LRP1B: variants seen among roughly 807,000 people sequenced by gnomAD.
LRP1B encodes the protein low-density lipoprotein receptor-related protein 1B.
LRP1B carries 217 observed loss-of-function variants against 556.6 expected under a neutral mutation model. That is an observed-to-expected ratio of 0.39 (90% CI 0.35 to 0.44). The LOEUF is 0.44. LRP1B is among the 20% of genes least tolerant of loss of function. The pLI, the probability that LRP1B is intolerant of heterozygous loss-of-function variation, is 1.00. For synonymous variants in LRP1B, 2,047 were observed against 1,865.8 expected (o/e 1.10, Z -2.50); for missense variants, 5,053 against 5,620.8 (o/e 0.90, Z 3.23).
intron 66 of LRP1B, among the ~76,000 whole-genome samples, chr2:140,427,929 C>A (rs967145846): frequency 2.6e-5 from 4 of 152,162 alleles, no homozygotes; most frequent in Admixed American, 6.5e-5. Flanking sequence ...AGCCCTCCCC[C>A]ACCTGCCCAG....
intron 18 of LRP1B, among the ~76,000 whole-genome samples, chr2:140,980,645 T>C (rs900506633): frequency 6.6e-6 from 1 of 152,122 alleles, no homozygotes; most frequent in African/African-American, 2.4e-5. Context: ...AATACAGGCA[T>C]TTAAATTGAG....
chr2:141,419,194 C>T (rs187316993), intron 3 of LRP1B, among the ~76,000 whole-genome samples: 122 of 150,724 alleles, frequency 8.1e-4, no homozygotes, highest in South Asian at 1.7e-3. Context: ...ATTCACTTTG[C>T]TGATACTTTC....
At chr2:140,610,553 G>A (rs914864265) in intron 41 of LRP1B, among the ~76,000 whole-genome samples, 2 of 152,074 alleles carry the variant, frequency 1.3e-5, no homozygotes, top group Non-Finnish European at 2.9e-5. Context: ...ATATGATCCT[G>A]GAAAAATTCA....
At chr2:140,697,174 C>T (rs1201446483) in intron 41 of LRP1B, among the ~76,000 whole-genome samples, 3 of 152,078 alleles carry the variant, frequency 2.0e-5, no homozygotes, top group Non-Finnish European at 4.4e-5. Flanking sequence ...ATGGATTCTA[C>T]TGGCTTTGAT....
At chr2:140,477,783 C>T (rs911248633) in intron 59 of LRP1B, among the ~76,000 whole-genome samples, 3 of 152,258 alleles carry the variant, frequency 2.0e-5, no homozygotes, top group South Asian at 2.1e-4. Flanking sequence ...ACATCACACT[C>T]AGTAAGTTTG....
At chr2:141,833,030 C>A (rs959592612) in intron 1 of LRP1B, among the ~76,000 whole-genome samples, 9 of 151,456 alleles carry the variant, frequency 5.9e-5, no homozygotes, top group Non-Finnish European at 1.0e-4. Context: ...CAATTTTCTC[C>A]CTAAGAGGAA....
intron 35 of LRP1B, among the ~76,000 whole-genome samples, chr2:140,760,167 C>A (rs1225328905): frequency 6.6e-6 from 1 of 152,110 alleles, no homozygotes; most frequent in African/African-American, 2.4e-5. Flanking sequence ...GCCTGGGGAA[C>A]ACATCAGATA....
intron 35 of LRP1B, among the ~76,000 whole-genome samples, chr2:140,739,440 A>G (rs1688062946): frequency 6.6e-6 from 1 of 152,194 alleles, no homozygotes; most frequent in African/African-American, 2.4e-5. Flanking sequence ...TGAAACAAAG[A>G]TAAAGAGTAG....
chr2:140,317,574 A>G (rs574868101), intron 82 of LRP1B, among the ~76,000 whole-genome samples: 1 of 152,246 alleles, frequency 6.6e-6, no homozygotes, highest in South Asian at 2.1e-4. Context: ...AAATAATTGA[A>G]TACAGAGATC....
chr2:141,173,872 C>T (rs1056462794), intron 7 of LRP1B, among the ~76,000 whole-genome samples: 6 of 151,962 alleles, frequency 3.9e-5, no homozygotes, highest in Admixed American at 2.0e-4. Flanking sequence ...ACCTCTTAAG[C>T]CAGTTAAAGA....
At chr2:141,157,300 G>T (rs561647643) in intron 7 of LRP1B, among the ~76,000 whole-genome samples, 2 of 151,362 alleles carry the variant, frequency 1.3e-5, no homozygotes, top group African/African-American at 4.9e-5. Context: ...ATAAAATAAA[G>T]TTTCATTATT....
chr2:141,713,383 C>T (rs1422927952), intron 2 of LRP1B, among the ~76,000 whole-genome samples: 2 of 152,106 alleles, frequency 1.3e-5, no homozygotes, highest in African/African-American at 4.8e-5. Context: ...AGTGACAAAG[C>T]TATTAATGAA....
intron 41 of LRP1B, among the ~76,000 whole-genome samples, chr2:140,695,401 A>G (rs1244193691): frequency 6.6e-6 from 1 of 152,106 alleles, no homozygotes; most frequent in Non-Finnish European, 1.5e-5. Context: ...CATTGGCCTA[A>G]CAGTAGATGG....
At chr2:140,271,875 C>A (rs947910453) in intron 85 of LRP1B, among the ~76,000 whole-genome samples, 1 of 151,646 alleles carries the variant, frequency 6.6e-6, no homozygotes, top group African/African-American at 2.4e-5. Context: ...CCATGCCCAG[C>A]CTCTTTGAAA....
chr2:141,889,504 G>T (rs933119421), intron 1 of LRP1B, among the ~76,000 whole-genome samples: 1 of 152,122 alleles, frequency 6.6e-6, no homozygotes, highest in African/African-American at 2.4e-5. Flanking sequence ...CTAATTTTAA[G>T]TATACCTACA....
chr2:140,518,500 A>G lies in LRP1B; in HGVS notation c.8027-1489T>C, dbSNP rs151041957. 4.3e-3 allele frequency among the ~76,000 whole-genome samples: 654 copies of G among 152,292 alleles called. 17 individuals are homozygous for G. Among genetic ancestry groups the G allele is most frequent in the Admixed American group, 0.032 (492 of 15,282 alleles). The stretch of plus-strand genomic sequence containing the variant: ...AAAATAAAATTTTAGTTTAATTAAT[A>G]TCTATCATATGCTGACCTCAAGATA... On this transcript the variant is annotated intron_variant, in intron 49 of 90. Coordinates refer to ENST00000389484, the MANE Select transcript of LRP1B (RefSeq NM_018557.3).
chr2:141,067,745 T>C (rs1192493299), intron 7 of LRP1B, among the ~76,000 whole-genome samples: 3 of 152,134 alleles, frequency 2.0e-5, no homozygotes, highest in South Asian at 2.1e-4. Context: ...AACCAAATCA[T>C]AGACTGAGAG....
At chr2:141,560,476 G>A (rs1297663930) in intron 2 of LRP1B, among the ~76,000 whole-genome samples, 1 of 151,628 alleles carries the variant, frequency 6.6e-6, no homozygotes, top group East Asian at 1.9e-4. Context: ...CTTTTCCAAA[G>A]GGAATTTATG....
At chr2:141,093,808 G>A (rs890867555) in intron 7 of LRP1B, among the ~76,000 whole-genome samples, 6 of 149,622 alleles carry the variant, frequency 4.0e-5, no homozygotes, top group Non-Finnish European at 9.0e-5. Flanking sequence ...TCCACCCCCC[G>A]GGTTCAATCA....
Sources: gnomAD v4.1 joint callset for allele counts (sites outside exome capture counted in the v4.1 genomes callset) on GRCh38, gnomAD v4.1.1 for gene constraint, MANE v1.5 for transcripts, NCBI Gene and HGNC (gene_info 2026-07-23, HGNC 2026-07-21) for gene names.